DNAH7: variants seen among roughly 807,000 people sequenced by gnomAD.
DNAH7 encodes dynein axonemal heavy chain 7.
DNAH7 carries 397 observed loss-of-function variants against 444.6 expected under a neutral mutation model. The ratio of observed to expected loss-of-function variants is 0.89; its 90% CI spans 0.82 to 0.97. DNAH7 has a LOEUF of 0.97. Among genes scored for constraint, DNAH7 ranks in the 50% least tolerant of loss-of-function variants. DNAH7 has a pLI of 0.00. For missense variants in DNAH7, 4,902 were observed against 4,800.8 expected (o/e 1.02, Z -0.62); for synonymous variants, 1,636 against 1,624.4 (o/e 1.01, Z -0.17).
intron 51 of DNAH7, among the ~76,000 whole-genome samples, chr2:195,814,448 G>C (rs1697127423): frequency 6.6e-6 from 1 of 152,136 alleles, no homozygotes; most frequent in Non-Finnish European, 1.5e-5. Context: ...TCATACCTTG[G>C]ATGAGTTCTA....
chr2:195,914,931 G>A (rs1419104115), intron 24 of DNAH7, among the ~76,000 whole-genome samples: 3 of 152,114 alleles, frequency 2.0e-5, no homozygotes, highest in Admixed American at 1.3e-4. Flanking sequence ...CAAAGTGCTG[G>A]GATTCCAGGC....
At chr2:195,750,371 G>A (rs187037549) in intron 63 of DNAH7, among the ~76,000 whole-genome samples, 2 of 152,208 alleles carry the variant, frequency 1.3e-5, no homozygotes, top group African/African-American at 4.8e-5. Context: ...CAGTCTTTTA[G>A]CTGAGTTCAA....
intron 1 of DNAH7, chr2:196,068,359 C>A: frequency 2.6e-6 from 1 of 380,010 alleles, no homozygotes; most frequent in Admixed American, 4.6e-5. Context: ...CACCTTAGAA[C>A]CCAAACCCGC....
intron 47 of DNAH7, among the ~76,000 whole-genome samples, chr2:195,835,271 A>G (rs929298014): frequency 2.0e-5 from 3 of 151,976 alleles, no homozygotes; most frequent in Non-Finnish European, 4.4e-5. Context: ...GAGAAGTACG[A>G]CATTTTAATG....
intron 9 of DNAH7, among the ~76,000 whole-genome samples, chr2:196,018,426 T>C (rs1029221366): frequency 6.6e-6 from 1 of 152,044 alleles, no homozygotes; most frequent in Non-Finnish European, 1.5e-5. Flanking sequence ...TGTGAATCTA[T>C]CCCATGTAAA....
intron 63 of DNAH7, among the ~76,000 whole-genome samples, chr2:195,747,526 A>T (rs1035166571): frequency 4.6e-5 from 7 of 152,204 alleles, no homozygotes; most frequent in African/African-American, 7.2e-5. Context: ...CCAGGCAGAG[A>T]CACAACCAAA....
At chr2:195,797,957 C>A (rs1225955048) in intron 55 of DNAH7, among the ~76,000 whole-genome samples, 1 of 152,210 alleles carries the variant, frequency 6.6e-6, no homozygotes, top group Non-Finnish European at 1.5e-5. Context: ...GCTATCTATT[C>A]TTCTGCATAT....
At chr2:195,774,827 G>A (rs1030431167) in intron 60 of DNAH7, among the ~76,000 whole-genome samples, 2 of 152,156 alleles carry the variant, frequency 1.3e-5, no homozygotes, top group African/African-American at 4.8e-5. Context: ...TTTACTCTGA[G>A]ATGCCACAAA....
intron 19 of DNAH7, among the ~76,000 whole-genome samples, chr2:195,949,771 G>A (rs188362610): frequency 1.3e-5 from 2 of 152,238 alleles, no homozygotes; most frequent in African/African-American, 2.4e-5. Context: ...TTTGAGATAC[G>A]TTCCATAAAT....
intron 36 of DNAH7, among the ~76,000 whole-genome samples, chr2:195,881,104 A>C (rs1229886650): frequency 6.6e-6 from 1 of 151,888 alleles, no homozygotes; most frequent in Non-Finnish European, 1.5e-5. Flanking sequence ...CATTTACTTT[A>C]TGAGAGATGT....
rs1312484411 is a variant in DNAH7 at position 195,755,100 on chromosome 2, C to T, written c.11587-586G>A. 8.5e-5 allele frequency among the ~76,000 whole-genome samples: 13 copies of T among 152,226 alleles called. No homozygotes were observed. In the East Asian group the frequency reaches 2.5e-3, roughly 29 times the overall value. On this transcript the variant is annotated intron_variant, in intron 62 of 64. Coordinates refer to ENST00000312428, the MANE Select transcript of DNAH7 (RefSeq NM_018897.3). Reference sequence around the variant, plus strand: ...AGTGAATATCTAATACGCATTGCTACACAATATATCATGTTACATAGTTGA... The same window carrying T: ...AGTGAATATCTAATACGCATTGCTATACAATATATCATGTTACATAGTTGA...
chr2:196,049,747 T>C (rs185034704), intron 3 of DNAH7, among the ~76,000 whole-genome samples: 1 of 152,312 alleles, frequency 6.6e-6, no homozygotes, highest in Non-Finnish European at 1.5e-5. Flanking sequence ...TAAAAGCATT[T>C]TAGATGATTA....
Position 196,050,564 on chromosome 2 carries a change from C to CTT in DNAH7, c.141+621_141+622dup, listed in dbSNP as rs746122238. Among the ~76,000 whole-genome samples the CTT allele has an allele frequency of 3.7e-4, 56 of 152,184 alleles. 1 individual carries two copies. The highest frequency in any genetic ancestry group is 3.4e-3 in the Middle Eastern group (1 of 294). On this transcript the variant is annotated intron_variant, in intron 3 of 64. Coordinates refer to ENST00000312428, the MANE Select transcript of DNAH7 (RefSeq NM_018897.3). ...GCATTGACCCTCCCCTTAAATTTAA[C>CTT]TTTCAGGAGTCACAAGACTGTAACT...
rs1026556898 is a variant in DNAH7 at position 195,737,754 on chromosome 2, G to T, written c.*167C>A. ...TTTCAGAACATTTCCTTACATTTAAGTATGAGTCATATTAAGTTTAGCTGC... is the reference window on the plus strand; with the variant it reads ...TTTCAGAACATTTCCTTACATTTAATTATGAGTCATATTAAGTTTAGCTGC... On this transcript the variant is annotated 3_prime_UTR_variant, in exon 65 of 65. Coordinates refer to ENST00000312428, the MANE Select transcript of DNAH7 (RefSeq NM_018897.3). The T allele has an allele frequency of 5.0e-6, 3 of 597,746 alleles. No individual in the cohort carries two copies. The highest frequency in any genetic ancestry group is 5.8e-6 in the Non-Finnish European group (2 of 343,024). 37.0% of individuals were successfully genotyped at this position (597,746 alleles called of 1,614,324 possible).
At chr2:195,965,226 C>G (rs191603371) in intron 17 of DNAH7, among the ~76,000 whole-genome samples, 1 of 152,192 alleles carries the variant, frequency 6.6e-6, no homozygotes, top group African/African-American at 2.4e-5. Context: ...TTGAAATGAT[C>G]ATATTATTTT....
intron 64 of DNAH7, 26 bp downstream of exon 64, chr2:195,740,740 T>A: frequency 8.7e-7 from 1 of 1,153,986 alleles, no homozygotes; most frequent in Non-Finnish European, 1.2e-6. Flanking sequence ...TAATTCCACA[T>A]GTATATATAA....
chr2:195,753,115 A>T (rs896695849), intron 63 of DNAH7, among the ~76,000 whole-genome samples: 1 of 152,216 alleles, frequency 6.6e-6, no homozygotes, highest in Non-Finnish European at 1.5e-5. Context: ...CAATTAAAGG[A>T]GCAAAGCCCT....
At chr2:195,756,411 T>C (rs1263982330) in intron 61 of DNAH7, 126 bp from the exon 62 acceptor site, 2 of 835,468 alleles carry the variant, frequency 2.4e-6, no homozygotes, top group South Asian at 4.5e-5. Flanking sequence ...GGTTGAGTCA[T>C]ACAGGAAAAA....
chr2:195,988,042 G>T lies in DNAH7; in HGVS notation c.1541C>A (p.Ala514Glu). 6.2e-7 allele frequency: 1 copy of T among 1,613,062 alleles called. No individual in the cohort carries two copies. The highest frequency in any genetic ancestry group is 8.5e-7 in the Non-Finnish European group (1 of 1,179,594). ...TATTTTTTCATAACTATGATTTTCT[G>T]CGAGGAAGTTATCAACATCTCGCTC... is the stretch of plus-strand genomic sequence containing the variant. ...KAERDVDNFL[A>E]ENHSYEKIID... The change falls in exon 13 of 65, where the codon GCA becomes GAA. Residue 514 changes from alanine to glutamate, a missense_variant. Ala to Glu is a moderately radical substitution (Grantham distance 107, BLOSUM62 -1). Transcript: ENST00000312428.
Sources: gnomAD v4.1 joint callset for allele counts (sites outside exome capture counted in the v4.1 genomes callset) on GRCh38, gnomAD v4.1.1 for gene constraint, MANE v1.5 for transcripts, NCBI Gene and HGNC (gene_info 2026-07-23, HGNC 2026-07-21) for gene names.